Variants in USP40 observed in about 807,000 individuals in gnomAD.
The protein encoded by USP40 is ubiquitin carboxyl-terminal hydrolase 40.
A neutral mutation model predicts 166.2 loss-of-function variants in USP40; 143 were observed. The observed-to-expected ratio is 0.86, with a 90% CI of 0.75 to 0.99. USP40 has a LOEUF of 0.99. USP40 is among the 50% of genes least tolerant of loss of function. The pLI is 0.00. For synonymous variants in USP40, 498 were observed against 524.0 expected (o/e 0.95, Z 0.68); for missense variants, 1,444 against 1,479.7 (o/e 0.98, Z 0.40).
intron 26 of USP40, 66 bp from the exon 27 acceptor site, chr2:233,489,549 G>GA (rs112451786): frequency 0.2 from 226,272 of 1,121,606 alleles, 12,267 homozygotes; most frequent in African/African-American, 0.25. Context: ...TACTGTTTTA[G>GA]AAAAAAAAAA....
intron 5 of USP40, among the ~76,000 whole-genome samples, chr2:233,556,052 C>G (rs1240496041): frequency 6.7e-6 from 1 of 150,306 alleles, no homozygotes; most frequent in Non-Finnish European, 1.5e-5. Context: ...GGAGGTGGAA[C>G]TTGCAGTGAG....
At chr2:233,491,032 C>A (rs1294663095) in intron 26 of USP40, 135 bp downstream of exon 26, 1 of 789,048 alleles carries the variant, frequency 1.3e-6, no homozygotes, top group East Asian at 2.7e-5. Context: ...GGGTACTTAC[C>A]ACTGAACATG....
intron 22 of USP40, among the ~76,000 whole-genome samples, chr2:233,499,276 T>C (rs2065922680): frequency 6.6e-6 from 1 of 151,916 alleles, no homozygotes; most frequent in South Asian, 2.1e-4. Flanking sequence ...TTTCTGTTCC[T>C]GCATTAGTTT....
intron 10 of USP40, among the ~76,000 whole-genome samples, chr2:233,534,564 A>G (rs1206037446): frequency 6.6e-6 from 1 of 152,208 alleles, no homozygotes; most frequent in African/African-American, 2.4e-5. Flanking sequence ...AAAGAAAGTA[A>G]TTTGTGGTAA....
At chr2:233,494,651 A>G (rs2065552017) in intron 24 of USP40, among the ~76,000 whole-genome samples, 1 of 151,636 alleles carries the variant, frequency 6.6e-6, no homozygotes, top group Non-Finnish European at 1.5e-5. Flanking sequence ...AGGATCGATT[A>G]AGCCCAGGAG....
intron 11 of USP40, among the ~76,000 whole-genome samples, chr2:233,530,040 T>C (rs2068388090): frequency 6.6e-6 from 1 of 151,690 alleles, no homozygotes; most frequent in South Asian, 2.1e-4. Context: ...CCTCAAGTGA[T>C]CTGCCCGCCT....
At chr2:233,528,464 C>T (rs2068228631) in intron 12 of USP40, among the ~76,000 whole-genome samples, 2 of 152,188 alleles carry the variant, frequency 1.3e-5, no homozygotes, top group South Asian at 2.1e-4. Context: ...ACGCAACTCA[C>T]GTACTTCAGG....
intron 20 of USP40, among the ~76,000 whole-genome samples, chr2:233,510,518 T>G (rs558216091): frequency 6.9e-6 from 1 of 144,118 alleles, no homozygotes; most frequent in Admixed American, 7.1e-5. Flanking sequence ...TTCTCCTACC[T>G]CAGCCTCCCA....
intron 10 of USP40, among the ~76,000 whole-genome samples, chr2:233,536,088 TC>T (rs1348156116): frequency 1.3e-5 from 2 of 152,122 alleles, no homozygotes; most frequent in African/African-American, 4.8e-5. Context: ...ACAATGTTAT[TC>T]ATAATCAACA....
intron 12 of USP40, among the ~76,000 whole-genome samples, chr2:233,528,035 G>A (rs1055183085): frequency 5.3e-5 from 8 of 150,074 alleles, no homozygotes; most frequent in Non-Finnish European, 8.8e-5. Context: ...CTGGAGTGCA[G>A]TGCTGCGATC....
rs996691690 is a variant in USP40 at position 233,486,872 on chromosome 2, C to A, written c.3198-895G>T. 2.6e-5 allele frequency among the ~76,000 whole-genome samples: 4 copies of A among 152,124 alleles called. No individual in the cohort carries two copies. Among genetic ancestry groups the A allele is most frequent in the Non-Finnish European group, 5.9e-5 (4 of 68,026 alleles). On this transcript the variant is annotated intron_variant, in intron 28 of 31. Coordinates refer to ENST00000678225, the MANE Select transcript of USP40 (RefSeq NM_001365479.2). This position sits in a 1 kb window ranked among gnomAD's most constrained non-coding sequence, Gnocchi z 4.0. ...CCAAGGCCTGGAGCCCAGCACAGTG[C>A]GGCCAGAGGACAGAAAGGGCATCGG...
At chr2:233,498,738 C>A in intron 22 of USP40, 126 bp from the exon 23 acceptor site, 2 of 720,262 alleles carry the variant, frequency 2.8e-6, no homozygotes, top group Non-Finnish European at 4.6e-6. Flanking sequence ...AAGCTATGGG[C>A]CTCCATGTTA....
At chr2:233,502,304 C>A (rs1182642901) in intron 21 of USP40, among the ~76,000 whole-genome samples, 3 of 152,110 alleles carry the variant, frequency 2.0e-5, no homozygotes, top group Non-Finnish European at 4.4e-5. Flanking sequence ...TCCTCAAATA[C>A]CCATCACCCA....
Position 233,529,488 on chromosome 2 carries a change from AC to A in USP40, c.1495del (p.Val499PhefsTer6). 1 of 1,585,618 alleles carries A rather than the reference AC, an allele frequency of 6.3e-7. No individual in the cohort carries two copies. Among genetic ancestry groups the A allele is most frequent in the South Asian group, 1.1e-5 (1 of 87,004 alleles). Reference protein sequence around the residue: ...PEARANPRYGVPCHLLNEMDA... With the variant: ...PEARANPRYGXPCHLLNEMDA... ...CATTTCATTCAGTAAATGACATGGA[AC>A]CCCATATCTTGGATTAGCTCGAGCT... On this transcript the variant is annotated frameshift_variant, in exon 12 of 32. Coordinates refer to ENST00000678225, the MANE Select transcript of USP40 (RefSeq NM_001365479.2). LOFTEE classifies it high-confidence loss of function.
chr2:233,511,933 G>A (rs2066870792), intron 19 of USP40, 136 bp from the exon 20 acceptor site: 1 of 634,554 alleles, frequency 1.6e-6, no homozygotes, highest in Non-Finnish European at 2.6e-6. Context: ...TCAGACAAAA[G>A]GATTACATGC....
Position 233,477,497 on chromosome 2 carries a change from T to C in USP40, c.3606A>G (p.Glu1202=), listed in dbSNP as rs1559204905. Residue 1202 remains glutamate, a synonymous_variant, in exon 32 of 32, where the codon GAA becomes GAG. Coordinates refer to ENST00000678225, the MANE Select transcript of USP40 (RefSeq NM_001365479.2). Reference sequence around the variant, plus strand: ...TGTAGCTGCTCTGCTCATGGAGGGCTTCTTGGCTGCAGAGACACAGACACT... The same window carrying C: ...TGTAGCTGCTCTGCTCATGGAGGGCCTCTTGGCTGCAGAGACACAGACACT... ...QRALGRRKSQ[E]ALHEQSSYIL... The C allele has an allele frequency of 6.2e-7, 1 of 1,612,906 alleles. No homozygotes were observed. The highest frequency in any genetic ancestry group is 2.2e-5 in the East Asian group (1 of 44,882).
chr2:233,561,206 G>T, intron 3 of USP40: 1 of 1,570,040 alleles, frequency 6.4e-7, no homozygotes, highest in Non-Finnish European at 8.6e-7. Flanking sequence ...AAGCTCTTCT[G>T]GGCCAAGAGA....
chr2:233,536,544 G>A (rs898522204), intron 10 of USP40, among the ~76,000 whole-genome samples: 6 of 152,166 alleles, frequency 3.9e-5, no homozygotes, highest in East Asian at 3.9e-4. Flanking sequence ...TCAGCTACTC[G>A]GGAGGCTGAG....
intron 16 of USP40, among the ~76,000 whole-genome samples, 197 bp from the exon 17 acceptor site, chr2:233,521,311 T>TTTGA (rs1426644987): frequency 4.6e-5 from 7 of 152,348 alleles, no homozygotes; most frequent in African/African-American, 1.4e-4. Flanking sequence ...CCAAATATTC[T>TTTGA]TTGATTTACC....
Sources: gnomAD v4.1 joint callset for allele counts (sites outside exome capture counted in the v4.1 genomes callset) on GRCh38, gnomAD v4.1.1 for gene constraint, Gnocchi (gnomAD v3.1) non-coding constraint, MANE v1.5 for transcripts, NCBI Gene and HGNC (gene_info 2026-07-23, HGNC 2026-07-21) for gene names.